Variants in PTPRN2 observed in about 807,000 individuals in gnomAD.
The protein encoded by PTPRN2 is protein tyrosine phosphatase receptor type N2, also known as receptor-type tyrosine-protein phosphatase N2.
In PTPRN2, 74 loss-of-function variants were observed where a neutral mutation model predicts 118.8. That is an observed-to-expected ratio of 0.62 (90% CI 0.52 to 0.76). The LOEUF is 0.76. Among genes scored for constraint, PTPRN2 ranks in the 30% least tolerant of loss-of-function variants. PTPRN2 has a pLI of 0.00. For synonymous variants in PTPRN2, 641 were observed against 608.0 expected (o/e 1.05, Z -0.80); for missense variants, 1,481 against 1,394.4 (o/e 1.06, Z -0.99).
At chr7:158,157,497 C>G (rs1195130327) in intron 6 of PTPRN2, among the ~76,000 whole-genome samples, 1 of 152,236 alleles carries the variant, frequency 6.6e-6, no homozygotes, top group Non-Finnish European at 1.5e-5. Context: ...TCTCCCAAAT[C>G]TGAAAGCAGT....
chr7:158,149,545 T>C (rs910924954), intron 6 of PTPRN2, among the ~76,000 whole-genome samples: 1 of 152,208 alleles, frequency 6.6e-6, no homozygotes, highest in Non-Finnish European at 1.5e-5. Flanking sequence ...GGCTCATGCC[T>C]GTAATCCCAG....
Position 158,462,459 on chromosome 7 carries a change from A to G in PTPRN2, c.163+27276T>C, listed in dbSNP as rs1819076063. Among the ~76,000 whole-genome samples the G allele has an allele frequency of 2.0e-5, 3 of 152,214 alleles. No homozygotes were observed. In the South Asian group the frequency reaches 6.2e-4, roughly 32 times the overall value. On this transcript the variant is annotated intron_variant, in intron 2 of 22. Coordinates refer to ENST00000389418, the MANE Select transcript of PTPRN2 (RefSeq NM_002847.5). ...ATGCGATACCGTACTTGCATTTGAC[A>G]GAAAACACACAGAGTCCTAGAGATG...
Position 158,216,499 on chromosome 7 carries a change from T to C in PTPRN2, c.278-11226A>G, listed in dbSNP as rs1827968832. ...TTTGAATAAAATGATATAGGATGGT[T>C]GAAAGTAAAAATATTTTTAAAAATA... On this transcript the variant is annotated intron_variant, in intron 3 of 22. Transcript: ENST00000389418. Among the ~76,000 whole-genome samples, 7 of 152,194 alleles carry C rather than the reference T, an allele frequency of 4.6e-5. No individual in the cohort carries two copies. In the South Asian group the frequency reaches 1.5e-3, roughly 32 times the overall value.
At chr7:157,941,702 G>C (rs528578013) in intron 11 of PTPRN2, among the ~76,000 whole-genome samples, 1 of 152,294 alleles carries the variant, frequency 6.6e-6, no homozygotes, top group South Asian at 2.1e-4. Flanking sequence ...TCCTGAAAGT[G>C]CAGGTCTCCC....
In PTPRN2 at chr7:157,808,876, A is replaced by G. The variant is rs1805798002; in HGVS notation, c.1788+89797T>C. Reference sequence around the variant, plus strand: ...CTATAAGATTCAGTTGTTGCCTTGGACGATTCACATTTCACATGGTCAGTC... The same window carrying G: ...CTATAAGATTCAGTTGTTGCCTTGGGCGATTCACATTTCACATGGTCAGTC... On this transcript the variant is annotated intron_variant, in intron 12 of 22. Transcript: ENST00000389418. This position sits in a 1 kb window ranked among gnomAD's most constrained non-coding sequence, Gnocchi z 5.0. 6.6e-6 allele frequency among the ~76,000 whole-genome samples: 1 copy of G among 152,170 alleles called. No individual in the cohort carries two copies. Among genetic ancestry groups the G allele is most frequent in the South Asian group, 2.1e-4 (1 of 4,828 alleles).
chr7:158,444,434 T>C (rs1365408097), intron 2 of PTPRN2, among the ~76,000 whole-genome samples: 1 of 152,218 alleles, frequency 6.6e-6, no homozygotes, highest in Non-Finnish European at 1.5e-5. Context: ...TCACTCAAAA[T>C]CTCCACACCT....
chr7:158,382,036 C>T (rs922529476), intron 2 of PTPRN2, among the ~76,000 whole-genome samples: 4 of 152,138 alleles, frequency 2.6e-5, no homozygotes, highest in Non-Finnish European at 4.4e-5. Flanking sequence ...GGTACAGACA[C>T]AGCCAAACCA....
chr7:157,670,253 G>C (rs576075222), intron 13 of PTPRN2, among the ~76,000 whole-genome samples: 2 of 152,140 alleles, frequency 1.3e-5, no homozygotes, highest in Non-Finnish European at 2.9e-5. Flanking sequence ...ACGGGCTCAC[G>C]GGACCCGCGG....
At chr7:158,040,344 CACACATGCATAT>C (rs1181628210) in intron 11 of PTPRN2, among the ~76,000 whole-genome samples, 3 of 151,930 alleles carry the variant, frequency 2.0e-5, no homozygotes, top group Admixed American at 1.3e-4. Flanking sequence ...CGGACACGCA[CACACATGCATAT>C]ACACATGCAC....
intron 2 of PTPRN2, among the ~76,000 whole-genome samples, chr7:158,394,791 C>T (rs1812209904): frequency 1.3e-5 from 2 of 152,212 alleles, no homozygotes; most frequent in South Asian, 2.1e-4. Context: ...TGCCCCTCCA[C>T]CTGACTCAGT....
chr7:157,707,166 TACCACAAACA>T (rs1284229438), intron 12 of PTPRN2, among the ~76,000 whole-genome samples: 1 of 147,774 alleles, frequency 6.8e-6, no homozygotes, highest in Non-Finnish European at 1.5e-5. Flanking sequence ...ACAGCACACA[TACCACAAACA>T]CACACAGATA....
chr7:158,033,268 G>C (rs1232754452), intron 11 of PTPRN2, among the ~76,000 whole-genome samples: 1 of 152,160 alleles, frequency 6.6e-6, no homozygotes, highest in Non-Finnish European at 1.5e-5. Flanking sequence ...TTGACTACCT[G>C]GGCAGTGGAG....
intron 1 of PTPRN2, among the ~76,000 whole-genome samples, chr7:158,549,508 T>C (rs369696199): frequency 6.6e-6 from 1 of 152,232 alleles, no homozygotes; most frequent in Non-Finnish European, 1.5e-5. Flanking sequence ...ATAGGTAAAA[T>C]TCCCGTAAGC....
chr7:158,151,115 C>CCCCT (rs1554560579), intron 6 of PTPRN2, among the ~76,000 whole-genome samples: 1 of 26,988 alleles, frequency 3.7e-5, no homozygotes, highest in Admixed American at 4.6e-4. Flanking sequence ...TCTGCTCCTA[C>CCCCT]CCCTGCCCAC....
At chr7:157,906,864 A>C (rs948438052) in intron 11 of PTPRN2, among the ~76,000 whole-genome samples, 1 of 152,122 alleles carries the variant, frequency 6.6e-6, no homozygotes, top group Middle Eastern at 3.2e-3. Context: ...CCAGGGTCTG[A>C]AGCTTCCTGG....
chr7:158,486,469 C>T (rs528794511), intron 2 of PTPRN2, among the ~76,000 whole-genome samples: 18 of 152,316 alleles, frequency 1.2e-4, no homozygotes, highest in African/African-American at 3.8e-4. Context: ...CTGTTTTCCT[C>T]ATATTTAGGA....
chr7:157,907,022 C>A (rs1797810901), intron 11 of PTPRN2, among the ~76,000 whole-genome samples: 1 of 152,220 alleles, frequency 6.6e-6, no homozygotes, highest in South Asian at 2.1e-4. Flanking sequence ...CACCCTGACA[C>A]CTGTTGGAAA....
chr7:157,774,573 G>A (rs945181904), intron 12 of PTPRN2, among the ~76,000 whole-genome samples: 18 of 152,236 alleles, frequency 1.2e-4, no homozygotes, highest in African/African-American at 1.7e-4. Context: ...ACCACACACC[G>A]GCTCATGTGC....
chr7:158,332,820 C>CA (rs1804768512), intron 2 of PTPRN2, among the ~76,000 whole-genome samples: 2 of 132,538 alleles, frequency 1.5e-5, no homozygotes, highest in Non-Finnish European at 3.2e-5. Flanking sequence ...CACGTACACA[C>CA]TTCTCACCAT....
Sources: allele counts gnomAD v4.1 joint callset (sites outside exome capture counted in the v4.1 genomes callset), GRCh38; gene constraint gnomAD v4.1.1; non-coding constraint Gnocchi (gnomAD v3.1); transcripts MANE v1.5; gene names NCBI Gene and HGNC (gene_info 2026-07-23, HGNC 2026-07-21).